GPR89A: variants seen among roughly 807,000 people sequenced by gnomAD.
GPR89A encodes the protein golgi pH regulator A.
GPR89A carries 16 observed loss-of-function variants against 52.0 expected under a neutral mutation model. The observed-to-expected ratio is 0.31, with a 90% CI of 0.21 to 0.47. The LOEUF (loss-of-function observed/expected upper bound fraction) is 0.47, where lower values mean the gene tolerates loss of function less well. Ranked by LOEUF, GPR89A falls within the 20% of genes least tolerant of loss-of-function variation. The probability of loss-of-function intolerance (pLI) is 1.00; values close to 1 mark genes in which losing one functional copy is unlikely to be tolerated. For missense variants in GPR89A, 135 were observed against 449.4 expected (o/e 0.30, Z 6.33); for synonymous variants, 55 against 150.9 (o/e 0.36, Z 4.66).
At chr1:145,663,076 A>G (rs1231315654) in intron 10 of GPR89A, among the ~76,000 whole-genome samples, 1 of 152,220 alleles carries the variant, frequency 6.6e-6, no homozygotes, top group Non-Finnish European at 1.5e-5. Context: ...AAATTAAGGC[A>G]TAATGCCGTA....
In GPR89A at chr1:145,669,667, G is replaced by A. The variant is rs782637486; in HGVS notation, c.1138G>A (p.Val380Ile). 2 of 1,611,402 alleles carry A rather than the reference G, an allele frequency of 1.2e-6. No individual in the cohort carries two copies. The highest frequency in any genetic ancestry group is 1.1e-5 in the South Asian group (1 of 90,974). The part of the protein sequence containing the change: ...ISSSKSSNVI[V>I]LLLAQIMGMY... ...TAGCAGTAAGTCCTCCAATGTCATT[G>A]TCCTGCTATTAGCACAGATAATGGT... Residue 380 changes from valine to isoleucine, a missense_variant, in exon 13 of 14, where the codon GTC becomes ATC. Coordinates refer to ENST00000313835, the MANE Select transcript of GPR89A (RefSeq NM_001097612.2).
At chr1:145,614,793 A>G (rs1466958127) in intron 1 of GPR89A, among the ~76,000 whole-genome samples, 24 of 152,186 alleles carry the variant, frequency 1.6e-4, no homozygotes, top group Admixed American at 6.5e-4. Flanking sequence ...TAAATAGCAT[A>G]ACTGGGAGAG....
At chr1:145,637,016 C>T (rs1340739647) in intron 7 of GPR89A, among the ~76,000 whole-genome samples, 3 of 152,148 alleles carry the variant, frequency 2.0e-5, no homozygotes, top group African/African-American at 4.8e-5. Context: ...ATCTCTGTGT[C>T]ATCATTAAAT....
In GPR89A at chr1:145,653,263, A is replaced by G. The variant is rs587719052; in HGVS notation, c.909+5996A>G. Among the ~76,000 whole-genome samples, 118 of 149,354 alleles carry G rather than the reference A, an allele frequency of 7.9e-4. 1 individual carries two copies. Among genetic ancestry groups the G allele is most frequent in the African/African-American group, 2.8e-3 (113 of 40,158 alleles). ...GAGTCATTCAGGAGCAGGTTGTTCAATTTTCATGTAGTTGTGTAGTTTTGA... is the reference window on the plus strand; with the variant it reads ...GAGTCATTCAGGAGCAGGTTGTTCAGTTTTCATGTAGTTGTGTAGTTTTGA... On this transcript the variant is annotated intron_variant, in intron 10 of 13. Transcript: ENST00000313835.
At chr1:145,654,613 G>A (rs1651693341) in intron 10 of GPR89A, among the ~76,000 whole-genome samples, 1 of 150,088 alleles carries the variant, frequency 6.7e-6, no homozygotes, top group Admixed American at 6.6e-5. Context: ...CTGGCTTATA[G>A]GGTTTCCACT....
At chr1:145,657,557 G>A (rs1388118039) in intron 10 of GPR89A, among the ~76,000 whole-genome samples, 1 of 152,196 alleles carries the variant, frequency 6.6e-6, no homozygotes, top group Non-Finnish European at 1.5e-5. Context: ...TATGTGTGGA[G>A]ATGTTGTTAT....
chr1:145,662,191 AG>A lies in GPR89A; in HGVS notation c.910-1134del, dbSNP rs587743303. Among the ~76,000 whole-genome samples, 194 of 152,258 alleles carry A rather than the reference AG, an allele frequency of 1.3e-3. 1 individual carries two copies. Among genetic ancestry groups the A allele is most frequent in the African/African-American group, 4.5e-3 (187 of 41,564 alleles). ...GACTAATTTTATCAGTTATTGAGAGAGGGGATCCAGCTATTGTGGATTTGTC... is the reference window on the plus strand; with the variant it reads ...GACTAATTTTATCAGTTATTGAGAGAGGGATCCAGCTATTGTGGATTTGTC... On this transcript the variant is annotated intron_variant, in intron 10 of 13. Transcript: ENST00000313835.
intron 3 of GPR89A, among the ~76,000 whole-genome samples, chr1:145,620,284 G>A (rs587619761): frequency 6.6e-6 from 1 of 152,262 alleles, no homozygotes; most frequent in African/African-American, 2.4e-5. Flanking sequence ...AACAGTCATA[G>A]GCAATATATA....
At chr1:145,658,966 C>G (rs1479324544) in intron 10 of GPR89A, among the ~76,000 whole-genome samples, 3 of 151,800 alleles carry the variant, frequency 2.0e-5, no homozygotes, top group African/African-American at 7.3e-5. Context: ...TTAGTAGAGA[C>G]GAGGTTTGAC....
intron 10 of GPR89A, among the ~76,000 whole-genome samples, chr1:145,657,305 C>T (rs1256302127): frequency 1.4e-5 from 2 of 147,910 alleles, no homozygotes; most frequent in South Asian, 2.1e-4. Flanking sequence ...GTGGGAGGAT[C>T]GCTTGAGCCC....
chr1:145,615,335 A>T lies in GPR89A; in HGVS notation c.43-899A>T, dbSNP rs797025655. 2.0e-5 allele frequency among the ~76,000 whole-genome samples: 3 copies of T among 152,090 alleles called. No individual in the cohort carries two copies. In the South Asian group the frequency reaches 6.2e-4, roughly 32 times the overall value. On this transcript the variant is annotated intron_variant, in intron 1 of 13. Transcript: ENST00000313835. ...CTCTCCCCTGAAGTTTTTATTTTTT[A>T]AATTAATTTATTTTTATTTATTTTT...
At chr1:145,609,933 GC>G (rs1241866554) in intron 1 of GPR89A, among the ~76,000 whole-genome samples, 1 of 152,094 alleles carries the variant, frequency 6.6e-6, no homozygotes, top group East Asian at 1.9e-4. Flanking sequence ...CTGACACCCT[GC>G]CCACAACCAA....
chr1:145,646,024 G>A (rs1386637002), intron 8 of GPR89A, 160 bp from the exon 9 acceptor site: 1 of 1,045,904 alleles, frequency 9.6e-7, no homozygotes, highest in African/African-American at 1.6e-5. Flanking sequence ...CAGAGGTTGG[G>A]AAAGCTGCTC....
At position 145,613,988 on chromosome 1, in the gene GPR89A, C is replaced by T. The variant is rs587734755; in HGVS notation, c.43-2246C>T. Reference sequence around the variant, plus strand: ...TTTTTGTAGAGATGGGGTTTCACCACGTTGCCCAAGCTGGTCTCGAACTCC... The same window carrying T: ...TTTTTGTAGAGATGGGGTTTCACCATGTTGCCCAAGCTGGTCTCGAACTCC... On this transcript the variant is annotated intron_variant, in intron 1 of 13. Coordinates refer to ENST00000313835, the MANE Select transcript of GPR89A (RefSeq NM_001097612.2). Among the ~76,000 whole-genome samples, 13 of 152,156 alleles carry T rather than the reference C, an allele frequency of 8.5e-5. 1 individual carries two copies. In the South Asian group the frequency reaches 2.7e-3, roughly 32 times the overall value.
chr1:145,608,502 T>C, intron 1 of GPR89A: 1 of 707,264 alleles, frequency 1.4e-6, no homozygotes, highest in Non-Finnish European at 2.2e-6. Context: ...TCCTCGAAGC[T>C]TCCGGGCTGC....
chr1:145,635,549 GT>G (rs1283002554), intron 7 of GPR89A, among the ~76,000 whole-genome samples: 3 of 152,172 alleles, frequency 2.0e-5, no homozygotes, highest in Non-Finnish European at 2.9e-5. Context: ...TTACATGAGT[GT>G]ATATAAATGC....
At position 145,670,381 on chromosome 1, in the gene GPR89A, C is replaced by T. The variant is rs1465325311; in HGVS notation, c.*341C>T. ...ATGTCTATGGTAGCTGAGCCAAACA[C>T]GTAGGATTTCCGTTTTAAGGTTCAC... On this transcript the variant is annotated 3_prime_UTR_variant, in exon 14 of 14. Transcript: ENST00000313835. The T allele has an allele frequency of 2.1e-5, 12 of 562,536 alleles. No individual in the cohort carries two copies. The highest frequency in any genetic ancestry group is 1.1e-4 in the Admixed American group (3 of 28,212). 34.8% of individuals were successfully genotyped at this position (562,536 alleles called of 1,614,324 possible).
rs782790304 is a variant in GPR89A, at chr1:145,608,083, G to C, written c.-51G>C. 2 of 1,611,000 alleles carry C rather than the reference G, an allele frequency of 1.2e-6. No individual in the cohort carries two copies. Among genetic ancestry groups the C allele is most frequent in the African/African-American group, 1.3e-5 (1 of 74,600 alleles). Reference sequence around the variant, plus strand: ...AGGGGGCCTGTGGCCCCAGCGTGCTGTGGCCTCGGGGAGTGGGAAGTGGAG... The same window carrying C: ...AGGGGGCCTGTGGCCCCAGCGTGCTCTGGCCTCGGGGAGTGGGAAGTGGAG... On this transcript the variant is annotated 5_prime_UTR_variant, in exon 1 of 14. Coordinates refer to ENST00000313835, the MANE Select transcript of GPR89A (RefSeq NM_001097612.2).
chr1:145,615,491 A>T (rs1464466227), intron 1 of GPR89A, among the ~76,000 whole-genome samples: 1 of 150,740 alleles, frequency 6.6e-6, no homozygotes, highest in African/African-American at 2.4e-5. Context: ...CTACAGGCAC[A>T]CCCCACCACC....
Sources: allele counts gnomAD v4.1 joint callset (sites outside exome capture counted in the v4.1 genomes callset), GRCh38; gene constraint gnomAD v4.1.1; transcripts MANE v1.5; gene names NCBI Gene and HGNC (gene_info 2026-07-23, HGNC 2026-07-21).